The following CASZ1 variants were observed in gnomAD, a reference collection of about 807,000 sequenced individuals.
The protein encoded by CASZ1 is castor zinc finger 1, also known as zinc finger protein castor homolog 1.
Under a neutral mutation model 135.2 loss-of-function variants are expected in CASZ1, and 28 were observed. The ratio of observed to expected loss-of-function variants is 0.21; its 90% CI spans 0.15 to 0.28. The LOEUF (loss-of-function observed/expected upper bound fraction) is 0.28. CASZ1 is among the 10% of genes least tolerant of loss of function. CASZ1 has a pLI of 1.00. For synonymous variants in CASZ1, 1,068 were observed against 1,073.4 expected (o/e 0.99, Z 0.10); for missense variants, 2,161 against 2,453.3 (o/e 0.88, Z 2.52).
chr1:10,768,664 TG>T (rs1241388231), intron 1 of CASZ1, among the ~76,000 whole-genome samples: 1 of 152,088 alleles, frequency 6.6e-6, no homozygotes. Flanking sequence ...GAGCCCACTG[TG>T]GGGGAGGGGA....
In CASZ1 at chr1:10,679,339, C is replaced by G. The variant is rs1638339432; in HGVS notation, c.17-13768G>C. 6.6e-6 allele frequency among the ~76,000 whole-genome samples: 1 copy of G among 152,196 alleles called. No individual in the cohort carries two copies. Among genetic ancestry groups the G allele is most frequent in the South Asian group, 2.1e-4 (1 of 4,832 alleles). ...CATGCCCCAGGAAGCGGTCCCTCTC[C>G]CAGCAGGCGGAAACACTCCCAACCC... On this transcript the variant is annotated intron_variant, in intron 4 of 20. Coordinates refer to ENST00000377022, the MANE Select transcript of CASZ1 (RefSeq NM_001079843.3). The surrounding 1 kb of genome is among the most constrained non-coding windows in gnomAD (Gnocchi z 4.7).
chr1:10,675,504 C>T (rs1643539097), intron 4 of CASZ1, among the ~76,000 whole-genome samples: 1 of 152,112 alleles, frequency 6.6e-6, no homozygotes, highest in East Asian at 1.9e-4. Context: ...GAGGCCAGTG[C>T]CCAGCTCAGC....
intron 4 of CASZ1, among the ~76,000 whole-genome samples, chr1:10,680,906 T>C (rs1394885321): frequency 6.6e-6 from 1 of 152,190 alleles, no homozygotes; most frequent in Non-Finnish European, 1.5e-5. Flanking sequence ...TCTTTCTTTC[T>C]TTCTTTTTTT....
Position 10,646,467 on chromosome 1 carries a change from C to G in CASZ1, c.3498-141G>C. 1.3e-6 allele frequency: 1 copy of G among 750,924 alleles called. No homozygotes were observed. The highest frequency in any genetic ancestry group is 2.3e-6 in the Non-Finnish European group (1 of 443,414). 46.5% of individuals were successfully genotyped at this position (750,924 alleles called of 1,614,324 possible). A position where few individuals can be genotyped will look rare whatever the true frequency, so the allele number is the denominator to read the frequency against. On this transcript the variant is annotated intron_variant, in intron 16 of 20. Transcript: ENST00000377022. The surrounding 1 kb of genome is among the most constrained non-coding windows in gnomAD (Gnocchi z 6.4). ...GGATGGCCTGGGCTGCTGTCCTGCT[C>G]AACAGGATGACTCAGCTGGAGACTA...
intron 15 of CASZ1, chr1:10,648,567 T>G (rs897720923): frequency 1.3e-4 from 26 of 202,734 alleles, no homozygotes; most frequent in African/African-American, 6.0e-4. Context: ...AGGTCTGTTT[T>G]AAACGATTTC....
intron 4 of CASZ1, among the ~76,000 whole-genome samples, chr1:10,684,811 G>A (rs951370388): frequency 6.6e-6 from 1 of 152,232 alleles, no homozygotes; most frequent in African/African-American, 2.4e-5. Context: ...ATGACACAGG[G>A]CCTCTCATGC....
chr1:10,709,765 G>A lies in CASZ1; in HGVS notation c.-76-4221C>T, dbSNP rs375399900. ...AGTGCCGCAGGGGGATGCGCACCAG[G>A]GGGATCCCATGGCATAACCAGGCAA... On this transcript the variant is annotated intron_variant, in intron 2 of 20. Coordinates refer to ENST00000377022, the MANE Select transcript of CASZ1 (RefSeq NM_001079843.3). This position sits in a 1 kb window ranked among gnomAD's most constrained non-coding sequence, Gnocchi z 5.1. 2.3e-3 allele frequency among the ~76,000 whole-genome samples: 347 copies of A among 152,342 alleles called. 3 individuals carry two copies. Among genetic ancestry groups the A allele is most frequent in the African/African-American group, 7.7e-3 (322 of 41,588 alleles).
In CASZ1 at chr1:10,694,245, G is replaced by T; in HGVS notation, c.-23-333C>A. The T allele has an allele frequency of 1.2e-6, 1 of 840,866 alleles. No individual in the cohort carries two copies. Among genetic ancestry groups the T allele is most frequent in the Non-Finnish European group, 1.4e-6 (1 of 696,266 alleles). 52.1% of individuals were successfully genotyped at this position (840,866 alleles called of 1,614,324 possible). A position where few individuals can be genotyped will look rare whatever the true frequency, so the allele number is the denominator to read the frequency against. On this transcript the variant is annotated intron_variant, in intron 3 of 20. Coordinates refer to ENST00000377022, the MANE Select transcript of CASZ1 (RefSeq NM_001079843.3). This position sits in a 1 kb window ranked among gnomAD's most constrained non-coding sequence, Gnocchi z 6.6. ...GCCGACCGCGCCCCGCGCCCGGGTC[G>T]CCGCCCGAGACCGCGGCCCCCGGGC...
chr1:10,768,867 A>G (rs1640524435), intron 1 of CASZ1, among the ~76,000 whole-genome samples: 1 of 152,184 alleles, frequency 6.6e-6, no homozygotes, highest in Admixed American at 6.5e-5. Flanking sequence ...CAAGCTAGGC[A>G]TGGTAGCTCA....
rs1219557055 is a variant in CASZ1, at chr1:10,762,947, A to G, written c.-233-2090T>C. On this transcript the variant is annotated intron_variant, in intron 1 of 20. Transcript: ENST00000377022. This position sits in a 1 kb window ranked among gnomAD's most constrained non-coding sequence, Gnocchi z 4.1. ...TTCCAGCGGAAAGTGGGGCCTGCCC[A>G]GGGCAGAGGATGCTTTTCAGCTTTG... Among the ~76,000 whole-genome samples, 1 of 152,226 alleles carries G rather than the reference A, an allele frequency of 6.6e-6. No individual in the cohort carries two copies. The highest frequency in any genetic ancestry group is 1.9e-4 in the East Asian group (1 of 5,198).
At position 10,655,652 on chromosome 1, in the gene CASZ1, C is replaced by A. The variant is rs1194717747; in HGVS notation, c.1662G>T (p.Met554Ile). 16 of 1,612,482 alleles carry A rather than the reference C, an allele frequency of 9.9e-6. No homozygotes were observed. The highest frequency in any genetic ancestry group is 1.3e-5 in the Non-Finnish European group (15 of 1,179,204). Residue 554 changes from methionine to isoleucine, a missense_variant, in exon 9 of 21, where the codon ATG becomes ATT. By Grantham distance (10) the Met-to-Ile change is conservative. Transcript: ENST00000377022. ...TGGGCCCGGGTGCGGGAGGCACCTG[C>A]ATGCAGTGATAGTGGGTGCTCTTCC... Reference protein sequence around the residue: ...LNGKSTHYHCMQVGCNKVYTS... With the variant: ...LNGKSTHYHCIQVGCNKVYTS...
rs1421984045 is a variant in CASZ1 at position 10,727,823 on chromosome 1, C to A, written c.-76-22279G>T. Among the ~76,000 whole-genome samples the A allele has an allele frequency of 1.3e-5, 2 of 152,356 alleles. No homozygotes were observed. Among genetic ancestry groups the A allele is most frequent in the Admixed American group, 6.5e-5 (1 of 15,312 alleles). ...TGCCCAGACTGTGCCGACCTGGGAA[C>A]CTGTGGAGCCCCTGGCTAGTGGCCA... On this transcript the variant is annotated intron_variant, in intron 2 of 20. Transcript: ENST00000377022. The surrounding 1 kb of genome is among the most constrained non-coding windows in gnomAD (Gnocchi z 5.3).
At chr1:10,786,890 G>A (rs1640869284) in intron 1 of CASZ1, among the ~76,000 whole-genome samples, 1 of 151,640 alleles carries the variant, frequency 6.6e-6, no homozygotes, top group African/African-American at 2.4e-5. Flanking sequence ...CCTGCAACCT[G>A]ACACAAAAAT....
Position 10,647,074 on chromosome 1 carries a change from A to G in CASZ1, c.3497+727T>C. On this transcript the variant is annotated intron_variant, in intron 16 of 20. Coordinates refer to ENST00000377022, the MANE Select transcript of CASZ1 (RefSeq NM_001079843.3). This position sits in a 1 kb window ranked among gnomAD's most constrained non-coding sequence, Gnocchi z 4.9. ...GTGGGCACTCTGACCAGGCCAGGGA[A>G]ACCTGAGCTGCTACTCTGGGGAGGA... The G allele has an allele frequency of 4.3e-6, 1 of 232,950 alleles. No individual in the cohort carries two copies. The highest frequency in any genetic ancestry group is 7.0e-6 in the Non-Finnish European group (1 of 142,388). The allele number at this position is 232,950 out of a possible 1,614,324, so 14.4% of individuals were successfully genotyped here.
chr1:10,675,599 G>A (rs1230805599), intron 4 of CASZ1, among the ~76,000 whole-genome samples: 6 of 152,124 alleles, frequency 3.9e-5, no homozygotes, highest in Admixed American at 2.0e-4. Context: ...CAGGTCCCCC[G>A]ACACTGCGGG....
intron 3 of CASZ1, among the ~76,000 whole-genome samples, chr1:10,695,507 G>A (rs1638909561): frequency 6.7e-6 from 1 of 150,090 alleles, no homozygotes; most frequent in Non-Finnish European, 1.5e-5. Flanking sequence ...CCTAGGAAGG[G>A]CGCTCAGTAG....
intron 4 of CASZ1, among the ~76,000 whole-genome samples, chr1:10,678,075 G>A (rs1325408655): frequency 6.6e-6 from 1 of 152,188 alleles, no homozygotes; most frequent in Non-Finnish European, 1.5e-5. Context: ...CAGGGCAGGC[G>A]CTCTCTGGGG....
intron 1 of CASZ1, among the ~76,000 whole-genome samples, chr1:10,783,701 C>T (rs1465145784): frequency 6.6e-6 from 1 of 151,752 alleles, no homozygotes; most frequent in Non-Finnish European, 1.5e-5. Flanking sequence ...GGTGAAACCC[C>T]ATCTCTACTA....
At chr1:10,689,097 T>TG (rs1307346102) in intron 4 of CASZ1, among the ~76,000 whole-genome samples, 7 of 150,872 alleles carry the variant, frequency 4.6e-5, no homozygotes, top group African/African-American at 1.7e-4. Context: ...CCTGGGGGCA[T>TG]GGGGGGTGGG....
Sources: gnomAD v4.1 joint callset for allele counts (sites outside exome capture counted in the v4.1 genomes callset) on GRCh38, gnomAD v4.1.1 for gene constraint, Gnocchi (gnomAD v3.1) non-coding constraint, MANE v1.5 for transcripts, NCBI Gene and HGNC (gene_info 2026-07-23, HGNC 2026-07-21) for gene names.